IMPG1: variants seen among roughly 807,000 people sequenced by gnomAD.
IMPG1 encodes interphotoreceptor matrix proteoglycan of 150 kDa.
A neutral mutation model predicts 92.0 loss-of-function variants in IMPG1; 85 were observed. The ratio of observed to expected loss-of-function variants is 0.92; its 90% CI spans 0.78 to 1.11. The LOEUF is 1.11. Ranked by LOEUF, IMPG1 falls within the 50% of genes least tolerant of loss-of-function variation. The pLI is 0.00. For missense variants in IMPG1, 1,022 were observed against 956.0 expected, an observed-to-expected ratio of 1.07 and a Z score of -0.91; for synonymous variants, 367 against 334.1, an observed-to-expected ratio of 1.10 and a Z score of -1.08.
chr6:76,058,529 T>C (rs948985168), intron 1 of IMPG1, among the ~76,000 whole-genome samples: 14 of 152,160 alleles, frequency 9.2e-5, no homozygotes, highest in Non-Finnish European at 1.6e-4. Flanking sequence ...ATATTTGAGA[T>C]TGAACAATTT....
rs1422568885 is a variant in IMPG1 at position 76,053,933 on chromosome 6, T to C, written c.68-11807A>G. ...TTCTAACTACTCAAGCAGAGCAGAA[T>C]TGGAGCAGATCAAACAGAAACAGCT... On this transcript the variant is annotated intron_variant, in intron 1 of 16. Coordinates refer to ENST00000369950, the MANE Select transcript of IMPG1 (RefSeq NM_001563.4). Among the ~76,000 whole-genome samples, 3 of 152,048 alleles carry C rather than the reference T, an allele frequency of 2.0e-5. No homozygotes were observed. In the East Asian group the frequency reaches 5.8e-4, roughly 29 times the overall value.
intron 14 of IMPG1, among the ~76,000 whole-genome samples, chr6:75,937,008 G>A (rs1781757356): frequency 6.6e-6 from 1 of 152,184 alleles, no homozygotes; most frequent in African/African-American, 2.4e-5. Flanking sequence ...CCAGTGTTGG[G>A]GCCTCTAGTG....
chr6:76,052,151 G>A (rs1282643195), intron 1 of IMPG1, among the ~76,000 whole-genome samples: 3 of 152,108 alleles, frequency 2.0e-5, no homozygotes, highest in Non-Finnish European at 4.4e-5. Context: ...TGCCCAGAGG[G>A]GATGACCCTC....
chr6:75,929,145 G>A (rs1401393539), intron 15 of IMPG1, among the ~76,000 whole-genome samples: 2 of 151,812 alleles, frequency 1.3e-5, no homozygotes, highest in Non-Finnish European at 2.9e-5. Context: ...GAGTACCTGA[G>A]TCAAATTTAA....
In IMPG1 at chr6:76,004,040, A is replaced by C. The variant is rs556795834; in HGVS notation, c.1136-90T>G. 5.0e-5 allele frequency: 44 copies of C among 875,762 alleles called. 1 individual carries two copies. The highest frequency in any genetic ancestry group is 7.3e-5 in the Non-Finnish European group (40 of 551,058). The allele number at this position is 875,762 out of a possible 1,614,324, so 54.2% of individuals were successfully genotyped here. ...AAACAGTCCAGGTTGAAATATGCGG[A>C]ATAACCAATCCTTAAGGAGTAGTAC... On this transcript the variant is annotated intron_variant, in intron 10 of 16. Transcript: ENST00000369950.
chr6:75,945,075 A>C (rs971677342), intron 14 of IMPG1, among the ~76,000 whole-genome samples: 5 of 152,228 alleles, frequency 3.3e-5, no homozygotes, highest in Non-Finnish European at 1.5e-5. Flanking sequence ...CTTGGAAGAA[A>C]AGCTGCATAG....
At position 75,959,859 on chromosome 6, in the gene IMPG1, T is replaced by C. The variant is rs1562348749; in HGVS notation, c.1292-8765A>G. 2.6e-5 allele frequency among the ~76,000 whole-genome samples: 4 copies of C among 152,132 alleles called. 1 individual carries two copies. In the South Asian group the frequency reaches 8.3e-4, roughly 32 times the overall value. ...TTGGTTCCCTGGTTTCAGCCCCTTT[T>C]CCAGGGGAGTGAACAGTTCCCTCTC... On this transcript the variant is annotated intron_variant, in intron 12 of 16. Coordinates refer to ENST00000369950, the MANE Select transcript of IMPG1 (RefSeq NM_001563.4).
chr6:75,990,698 G>A (rs1371551419), intron 12 of IMPG1, among the ~76,000 whole-genome samples: 2 of 152,086 alleles, frequency 1.3e-5, no homozygotes, highest in East Asian at 3.9e-4. Flanking sequence ...GAGCAGAAGT[G>A]CATAACAATT....
At chr6:75,930,603 T>C (rs953625553) in intron 15 of IMPG1, among the ~76,000 whole-genome samples, 1 of 152,132 alleles carries the variant, frequency 6.6e-6, no homozygotes, top group Admixed American at 6.5e-5. Flanking sequence ...CCAATTAAGG[T>C]AGTAGACCAA....
At chr6:75,955,959 C>T (rs903869983) in intron 12 of IMPG1, among the ~76,000 whole-genome samples, 1 of 152,102 alleles carries the variant, frequency 6.6e-6, no homozygotes, top group Non-Finnish European at 1.5e-5. Flanking sequence ...CTGACTTGAT[C>T]GTGGTGGATG....
intron 1 of IMPG1, 55 bp downstream of exon 1, chr6:76,072,367 C>T: frequency 8.3e-6 from 8 of 963,624 alleles, no homozygotes; most frequent in Non-Finnish European, 1.3e-5. Context: ...ATATTCACTT[C>T]TATCGGTAGA....
intron 1 of IMPG1, among the ~76,000 whole-genome samples, chr6:76,048,365 T>C (rs994826645): frequency 1.4e-4 from 22 of 152,228 alleles, no homozygotes; most frequent in African/African-American, 5.1e-4. Flanking sequence ...TTCTCTTAGC[T>C]GATGAGTTTG....
At chr6:76,023,202 A>C (rs1487842726) in intron 5 of IMPG1, among the ~76,000 whole-genome samples, 1 of 152,150 alleles carries the variant, frequency 6.6e-6, no homozygotes, top group Non-Finnish European at 1.5e-5. Context: ...TCAGAACCTC[A>C]AAGGATGTGG....
chr6:76,021,533 C>G (rs1462571082), intron 6 of IMPG1, among the ~76,000 whole-genome samples: 1 of 152,046 alleles, frequency 6.6e-6, no homozygotes, highest in Non-Finnish European at 1.5e-5. Context: ...TAACCATCCT[C>G]TCATCCCACA....
chr6:76,027,148 C>G (rs1417983900), intron 4 of IMPG1, among the ~76,000 whole-genome samples: 2 of 152,278 alleles, frequency 1.3e-5, no homozygotes, highest in East Asian at 3.9e-4. Flanking sequence ...GAAATAAAAA[C>G]AGCCTTAAAG....
intron 4 of IMPG1, among the ~76,000 whole-genome samples, chr6:76,033,897 T>A (rs984728409): frequency 2.6e-5 from 4 of 152,178 alleles, no homozygotes; most frequent in Admixed American, 1.3e-4. Flanking sequence ...GTTTCAGAGT[T>A]ATTAACACTT....
chr6:75,998,541 C>T (rs1348964065), intron 12 of IMPG1, among the ~76,000 whole-genome samples: 1 of 152,198 alleles, frequency 6.6e-6, no homozygotes, highest in Non-Finnish European at 1.5e-5. Context: ...AGTAGCTCTG[C>T]TTAAAGTTTG....
intron 15 of IMPG1, among the ~76,000 whole-genome samples, chr6:75,926,733 AAAGGAAGTTTG>A: frequency 6.6e-6 from 1 of 152,204 alleles, no homozygotes; most frequent in Non-Finnish European, 1.5e-5. Context: ...TACACCAAAA[AAAGGAAGTTTG>A]AAGTAAGTTC....
Position 75,939,109 on chromosome 6 carries a change from G to C in IMPG1, c.2045-7958C>G, listed in dbSNP as rs184898142. ...CTGCCTTAGCCTCCCAAAGTGCTGGGATTACAGGCGTGAGCCACCGCTCCC... is the reference window on the plus strand; with the variant it reads ...CTGCCTTAGCCTCCCAAAGTGCTGGCATTACAGGCGTGAGCCACCGCTCCC... On this transcript the variant is annotated intron_variant, in intron 14 of 16. Coordinates refer to ENST00000369950, the MANE Select transcript of IMPG1 (RefSeq NM_001563.4). 8.0e-3 allele frequency among the ~76,000 whole-genome samples: 1,220 copies of C among 152,280 alleles called. 17 individuals carry two copies. Among genetic ancestry groups the C allele is most frequent in the African/African-American group, 0.027 (1,130 of 41,562 alleles).
Sources: allele counts gnomAD v4.1 joint callset (sites outside exome capture counted in the v4.1 genomes callset), GRCh38; gene constraint gnomAD v4.1.1; transcripts MANE v1.5; gene names NCBI Gene and HGNC (gene_info 2026-07-23, HGNC 2026-07-21).